Variants in WDR7 observed in about 807,000 individuals in gnomAD.
WDR7 encodes the protein WD repeat domain 7.
In WDR7, 46 loss-of-function variants were observed where a neutral mutation model predicts 169.4. The ratio of observed to expected loss-of-function variants is 0.27; its 90% CI spans 0.21 to 0.35. WDR7 has a LOEUF of 0.35. Ranked by LOEUF, WDR7 falls within the 10% of genes least tolerant of loss-of-function variation. The probability of loss-of-function intolerance (pLI) is 1.00; values close to 1 mark genes in which losing one functional copy is unlikely to be tolerated. For missense variants in WDR7, 1,534 were observed against 1,859.3 expected (o/e 0.83, Z 3.22); for synonymous variants, 612 against 666.8 (o/e 0.92, Z 1.27).
At chr18:56,950,546 G>A (rs777524920) in intron 25 of WDR7, among the ~76,000 whole-genome samples, 1 of 152,184 alleles carries the variant, frequency 6.6e-6, no homozygotes, top group African/African-American at 2.4e-5. Context: ...CTGATGTAGT[G>A]AAATCCTTTT....
intron 8 of WDR7, 147 bp downstream of exon 8, chr18:56,691,508 C>A: frequency 9.3e-7 from 1 of 1,078,494 alleles, no homozygotes. Context: ...ATTTTTAATT[C>A]CAATTTAACT....
chr18:56,842,071 G>A lies in WDR7; in HGVS notation c.3304+25927G>A, dbSNP rs116405679. Among the ~76,000 whole-genome samples, 1,074 of 152,168 alleles carry A rather than the reference G, an allele frequency of 7.1e-3. 16 individuals carry two copies. The highest frequency in any genetic ancestry group is 0.024 in the African/African-American group (1,011 of 41,500). ...TGTGAAACAGTTATTTTCCCTCACT[G>A]CTTCATCTTCCCTGACCCCCACGCT... On this transcript the variant is annotated intron_variant, in intron 20 of 27. Transcript: ENST00000254442.
At chr18:56,957,710 T>C (rs1466448970) in intron 25 of WDR7, among the ~76,000 whole-genome samples, 1 of 152,160 alleles carries the variant, frequency 6.6e-6, no homozygotes, top group Non-Finnish European at 1.5e-5. Context: ...GTAGTTGTGG[T>C]ATTATTTTGG....
chr18:56,879,892 C>CT (rs750374096), intron 20 of WDR7, 52 bp from the exon 21 acceptor site: 8 of 1,445,224 alleles, frequency 5.5e-6, no homozygotes, highest in Non-Finnish European at 7.7e-6. Flanking sequence ...AATCATGTGT[C>CT]TTTTTGTATA....
intron 25 of WDR7, among the ~76,000 whole-genome samples, chr18:56,946,855 C>A (rs1281031615): frequency 6.6e-6 from 1 of 152,124 alleles, no homozygotes; most frequent in African/African-American, 2.4e-5. Context: ...TACTTTAGCT[C>A]TTCCTGGAGT....
intron 16 of WDR7, among the ~76,000 whole-genome samples, chr18:56,763,036 C>CT (rs1413433839): frequency 1.3e-5 from 2 of 152,026 alleles, no homozygotes; most frequent in African/African-American, 4.8e-5. Flanking sequence ...TCTCAGCTCA[C>CT]TGCAAGCTCC....
intron 9 of WDR7, among the ~76,000 whole-genome samples, chr18:56,692,932 G>T (rs2025609279): frequency 6.6e-6 from 1 of 152,084 alleles, no homozygotes; most frequent in Non-Finnish European, 1.5e-5. Flanking sequence ...ATGGTGTGGT[G>T]GTACACGCCT....
chr18:56,673,115 C>T (rs907586300), intron 2 of WDR7, among the ~76,000 whole-genome samples: 2 of 151,982 alleles, frequency 1.3e-5, no homozygotes, highest in African/African-American at 4.8e-5. Context: ...GTGTGCTCTG[C>T]TTCCAGGGCT....
At chr18:56,819,465 T>C (rs2045046454) in intron 20 of WDR7, among the ~76,000 whole-genome samples, 1 of 152,194 alleles carries the variant, frequency 6.6e-6, no homozygotes, top group African/African-American at 2.4e-5. Context: ...TCAACACACA[T>C]ACTCAGTTTT....
At chr18:56,683,542 T>C (rs1410245418) in intron 5 of WDR7, among the ~76,000 whole-genome samples, 1 of 152,196 alleles carries the variant, frequency 6.6e-6, no homozygotes. Context: ...CTACCACCGG[T>C]ATCAGCAGCA....
intron 9 of WDR7, among the ~76,000 whole-genome samples, chr18:56,692,022 C>T (rs957650984): frequency 6.6e-6 from 1 of 152,240 alleles, no homozygotes; most frequent in East Asian, 1.9e-4. Context: ...AAATAACATT[C>T]GTTTTTCTAA....
intron 26 of WDR7, among the ~76,000 whole-genome samples, chr18:56,967,806 T>C (rs1442746895): frequency 6.6e-6 from 1 of 152,188 alleles, no homozygotes; most frequent in African/African-American, 2.4e-5. Context: ...GGCATTTACA[T>C]TTAACAAAAG....
chr18:56,724,668 T>C (rs1276881352), intron 13 of WDR7, among the ~76,000 whole-genome samples: 22 of 151,774 alleles, frequency 1.4e-4, no homozygotes. Flanking sequence ...TATATAATTA[T>C]ACTTTAAGTT....
chr18:56,877,361 C>T (rs1409058891), intron 20 of WDR7, among the ~76,000 whole-genome samples: 1 of 152,188 alleles, frequency 6.6e-6, no homozygotes, highest in Non-Finnish European at 1.5e-5. Context: ...ATCCTACCCT[C>T]TGACTCCACA....
chr18:56,826,178 C>T (rs190847646), intron 20 of WDR7, among the ~76,000 whole-genome samples: 54 of 152,286 alleles, frequency 3.5e-4, no homozygotes, highest in Non-Finnish European at 2.5e-4. Flanking sequence ...GGGTGAATTA[C>T]ATTAGATTGT....
intron 12 of WDR7, among the ~76,000 whole-genome samples, chr18:56,702,798 A>G (rs1226018283): frequency 6.6e-6 from 1 of 152,214 alleles, no homozygotes; most frequent in African/African-American, 2.4e-5. Context: ...AGGAAGGAGT[A>G]GGGAAACTTA....
chr18:56,925,565 G>C (rs553199087), intron 22 of WDR7, among the ~76,000 whole-genome samples: 1 of 152,182 alleles, frequency 6.6e-6, no homozygotes, highest in African/African-American at 2.4e-5. Flanking sequence ...TCTTGTCCTT[G>C]CTAACTTTTT....
intron 27 of WDR7, among the ~76,000 whole-genome samples, chr18:57,023,553 C>G (rs1275365025): frequency 6.6e-6 from 1 of 152,184 alleles, no homozygotes; most frequent in Non-Finnish European, 1.5e-5. Flanking sequence ...AGAAAATAAT[C>G]TTCAAAGAAC....
At chr18:56,896,547 A>T (rs2046334480) in intron 21 of WDR7, among the ~76,000 whole-genome samples, 1 of 151,894 alleles carries the variant, frequency 6.6e-6, no homozygotes, top group African/African-American at 2.4e-5. Context: ...ATGCATAGGA[A>T]TTTGATTTTA....
Sources: allele counts gnomAD v4.1 joint callset (sites outside exome capture counted in the v4.1 genomes callset), GRCh38; gene constraint gnomAD v4.1.1; transcripts MANE v1.5; gene names NCBI Gene and HGNC (gene_info 2026-07-23, HGNC 2026-07-21).